MSH6: variants seen among roughly 807,000 people sequenced by gnomAD.
MSH6 encodes the protein mutS homolog 6.
A neutral mutation model predicts 119.1 loss-of-function variants in MSH6; 85 were observed. That is an observed-to-expected ratio of 0.71 (90% CI 0.60 to 0.85). The LOEUF (loss-of-function observed/expected upper bound fraction) is 0.85, where lower values mean the gene tolerates loss of function less well. Among genes scored for constraint, MSH6 ranks in the 40% least tolerant of loss-of-function variants. The pLI is 0.00. For synonymous variants in MSH6, 830 were observed against 586.9 expected (o/e 1.41, Z -5.99); for missense variants, 2,163 against 1,655.3 (o/e 1.31, Z -5.32).
At chr2:47,809,282 GAA>G (rs778665863), downstream of MSH6, 2 of 1,459,192 alleles carry the variant, frequency 1.4e-6, no homozygotes, top group South Asian at 2.4e-5. Context: ...ATAAAAGAAA[GAA>G]TAAGTAAAAA....
chr2:47,783,884 G>T, intron 1 of MSH6: 3 of 948,464 alleles, frequency 3.2e-6, no homozygotes, highest in South Asian at 1.0e-4. Flanking sequence ...AAGGCGCCCG[G>T]CCCACTTGGT....
chr2:47,788,461 GC>G (rs1289769304), intron 1 of MSH6, among the ~76,000 whole-genome samples: 1 of 148,810 alleles, frequency 6.7e-6, no homozygotes, highest in Non-Finnish European at 1.5e-5. Flanking sequence ...CACCATGTTG[GC>G]CAGGCCAGTC....
chr2:47,806,180 C>G (rs1284040594), intron 7 of MSH6, 24 bp from the exon 8 acceptor site: 2 of 1,610,978 alleles, frequency 1.2e-6, no homozygotes, highest in African/African-American at 1.3e-5. Context: ...GAGTTACTTC[C>G]TTATGCATAT....
At chr2:47,791,160 G>C in intron 2 of MSH6, 37 bp downstream of exon 2, 7 of 1,546,222 alleles carry the variant, frequency 4.5e-6, no homozygotes, top group Non-Finnish European at 6.3e-6. Flanking sequence ...GTGTTTGTGT[G>C]TGTGTGTGTG....
In MSH6 at chr2:47,802,953, C is replaced by T. The variant is rs563756467; in HGVS notation, c.3173-467C>T. Among the ~76,000 whole-genome samples the T allele has an allele frequency of 2.6e-5, 4 of 152,190 alleles. No homozygotes were observed. In the East Asian group the frequency reaches 7.7e-4, roughly 29 times the overall value. ...TTTTGAGACAGAGTCTCTCTGTCGC[C>T]CAGGCTGGAGTGCATTGGTGCGATC... On this transcript the variant is annotated intron_variant, in intron 4 of 9. Coordinates refer to ENST00000234420, the MANE Select transcript of MSH6 (RefSeq NM_000179.3).
intron 2 of MSH6, among the ~76,000 whole-genome samples, chr2:47,794,082 TG>T (rs1668924104): frequency 6.6e-6 from 1 of 150,408 alleles, no homozygotes; most frequent in Non-Finnish European, 1.5e-5. Flanking sequence ...GGCTCACGCC[TG>T]TAATCCCAGC....
At chr2:47,783,778 G>A in intron 1 of MSH6, 1 of 538,848 alleles carries the variant, frequency 1.9e-6, no homozygotes, top group Admixed American at 4.8e-5. Context: ...CGTCCCGCCA[G>A]GTGGGGGTGC....
intron 2 of MSH6, among the ~76,000 whole-genome samples, chr2:47,792,808 A>G (rs1668822873): frequency 6.7e-6 from 1 of 148,588 alleles, no homozygotes. Flanking sequence ...AACCGGGACT[A>G]GAGGTGTCTG....
intron 1 of MSH6, among the ~76,000 whole-genome samples, chr2:47,788,161 G>T (rs1470511310): frequency 6.6e-6 from 1 of 151,272 alleles, no homozygotes; most frequent in Non-Finnish European, 1.5e-5. Context: ...AAGCTTTTTA[G>T]CATTGGAGGA....
rs768348101 is a variant in MSH6 at position 47,796,080 on chromosome 2, A to C, written c.627+17A>C. 6 of 1,613,788 alleles carry C rather than the reference A, an allele frequency of 3.7e-6. No homozygotes were observed. The highest frequency in any genetic ancestry group is 5.1e-6 in the Non-Finnish European group (6 of 1,179,850). On this transcript the variant is annotated intron_variant, in intron 3 of 9. Coordinates refer to ENST00000234420, the MANE Select transcript of MSH6 (RefSeq NM_000179.3). ...GAGATGGAGGTGGGACACGGCAAGC[A>C]TTCAGTTGTTATTTATGTTAGGGTG...
At chr2:47,807,152 T>G (rs984015897), downstream of MSH6, 1 of 338,320 alleles carries the variant, frequency 3.0e-6, no homozygotes, top group African/African-American at 2.1e-5. Context: ...TAGGGCTGTA[T>G]ATATACTTGT....
downstream of MSH6, chr2:47,809,118 GTC>G: frequency 7.8e-7 from 1 of 1,278,862 alleles, no homozygotes; most frequent in Non-Finnish European, 1.1e-6. Flanking sequence ...AAGGAAATCA[GTC>G]TTCCTCTTTT....
chr2:47,807,181 A>AT (rs1183419427), downstream of MSH6: 3 of 275,070 alleles, frequency 1.1e-5, no homozygotes, highest in Non-Finnish European at 2.1e-5. Context: ...AATGCAGGAA[A>AT]TTGGTTTAAT....
At chr2:47,801,962 G>GT (rs1669628154) in intron 4 of MSH6, among the ~76,000 whole-genome samples, 1 of 152,072 alleles carries the variant, frequency 6.6e-6, no homozygotes, top group African/African-American at 2.4e-5. Context: ...TTTTAAATGT[G>GT]TTATACTTCA....
downstream of MSH6, chr2:47,807,361 A>AGGAAGTCTCATTAAAACACTCACT (rs1247795025): frequency 9.5e-6 from 2 of 210,682 alleles, no homozygotes; most frequent in Non-Finnish European, 1.9e-5. Context: ...ATCCCTTCCT[A>AGGAAGTCTCATTAAAACACTCACT]GGAAGTCTCA....
Position 47,805,574 on chromosome 2 carries a change from G to A in MSH6, c.3557-44G>A, listed in dbSNP as rs1361887823. 3.1e-6 allele frequency: 4 copies of A among 1,280,746 alleles called. No individual in the cohort carries two copies. The Admixed American group carries it at 5.0e-5, about 16-fold the overall frequency. The allele number at this position is 1,280,746 out of a possible 1,614,324, so 79.3% of individuals were successfully genotyped here. A position where few individuals can be genotyped will look rare whatever the true frequency, so the allele number is the denominator to read the frequency against. On this transcript the variant is annotated intron_variant, in intron 6 of 9. Transcript: ENST00000234420. Reference sequence around the variant, plus strand: ...CCTAGAAGATGAATTTATGTAATATGATTTGCAAAATGAGTATTCATTTGT... The same window carrying A: ...CCTAGAAGATGAATTTATGTAATATAATTTGCAAAATGAGTATTCATTTGT...
chr2:47,786,594 A>G (rs990566341), intron 1 of MSH6, among the ~76,000 whole-genome samples: 2 of 152,088 alleles, frequency 1.3e-5, no homozygotes, highest in African/African-American at 4.8e-5. Flanking sequence ...TCAGCCTCCC[A>G]AAGTGTTGGG....
rs730881809 is a variant in MSH6, at chr2:47,806,816, G to C, written c.4039G>C (p.Ala1347Pro). ...CLASERSTVD[A>P]EAVHKLLTLI... ...GGCTAGTGAAAGGTCAACTGTAGAT[G>C]CTGAAGCTGTCCATAAATTGCTGAC... is the stretch of plus-strand genomic sequence containing the variant. The change falls in exon 10 of 10, where the codon GCT becomes CCT. Residue 1347 changes from alanine (A) to proline (P), a missense_variant. Transcript: ENST00000234420. 4 of 1,609,256 alleles carry C rather than the reference G, an allele frequency of 2.5e-6. No individual in the cohort carries two copies. Among genetic ancestry groups the C allele is most frequent in the Non-Finnish European group, 3.4e-6 (4 of 1,178,592 alleles).
At chr2:47,789,359 A>C in intron 1 of MSH6, 1 of 414,176 alleles carries the variant, frequency 2.4e-6, no homozygotes, top group East Asian at 7.3e-5. Context: ...TATTTCAGAA[A>C]GGAATTTATT....
Sources: gnomAD v4.1 joint callset for allele counts (sites outside exome capture counted in the v4.1 genomes callset) on GRCh38, gnomAD v4.1.1 for gene constraint, MANE v1.5 for transcripts, NCBI Gene and HGNC (gene_info 2026-07-23, HGNC 2026-07-21) for gene names.